Variants in TMOD1 observed in about 807,000 individuals in gnomAD.
TMOD1 encodes tropomodulin 1.
Under a neutral mutation model 40.6 loss-of-function variants are expected in TMOD1, and 17 were observed. The ratio of observed to expected loss-of-function variants is 0.42; its 90% CI spans 0.29 to 0.63. The LOEUF (loss-of-function observed/expected upper bound fraction) is 0.63. Ranked by LOEUF, TMOD1 falls within the 20% of genes least tolerant of loss-of-function variation. The pLI is 0.22. For missense variants in TMOD1, 391 were observed against 447.6 expected, an observed-to-expected ratio of 0.87 and a Z score of 1.14; for synonymous variants, 181 against 175.0, an observed-to-expected ratio of 1.03 and a Z score of -0.27.
chr9:97,525,349 C>A (rs1350409296), intron 2 of TMOD1, among the ~76,000 whole-genome samples: 1 of 152,120 alleles, frequency 6.6e-6, no homozygotes, highest in East Asian at 1.9e-4. Flanking sequence ...AGGGAAAAAG[C>A]AAAGATATTT....
At chr9:97,562,645 C>T in intron 4 of TMOD1, 87 bp from the exon 5 acceptor site, 1 of 935,862 alleles carries the variant, frequency 1.1e-6, no homozygotes, top group Non-Finnish European at 1.6e-6. Flanking sequence ...TTCTGTGAGC[C>T]AGAGTTCCCG....
intron 1 of TMOD1, among the ~76,000 whole-genome samples, chr9:97,505,055 A>G (rs926643974): frequency 6.6e-6 from 1 of 152,250 alleles, no homozygotes; most frequent in Non-Finnish European, 1.5e-5. Context: ...TAATCATGAT[A>G]GAACCTAATT....
chr9:97,568,880 T>C lies in TMOD1; in HGVS notation c.727-14T>C, dbSNP rs961633480. 4.3e-6 allele frequency: 7 copies of C among 1,613,024 alleles called. No individual in the cohort carries two copies. The highest frequency in any genetic ancestry group is 2.7e-5 in the African/African-American group (2 of 74,906). On this transcript the variant is annotated splice_polypyrimidine_tract_variant and intron_variant, in intron 7 of 9. Transcript: ENST00000259365. ...GTGACTCATGGGTATCCTTGCTTTC[T>C]CTTGTGCTTCAAGGCCCTTGCTGAG...
chr9:97,550,653 G>A (rs1830436949), intron 3 of TMOD1, among the ~76,000 whole-genome samples: 1 of 152,034 alleles, frequency 6.6e-6, no homozygotes. Context: ...TGTGCTTGTT[G>A]GCCATATGTA....
intron 4 of TMOD1, among the ~76,000 whole-genome samples, chr9:97,553,824 G>A (rs527770712): frequency 5.3e-5 from 8 of 152,362 alleles, no homozygotes; most frequent in African/African-American, 1.7e-4. Context: ...TTTGCCTGCA[G>A]TTGGCTCAGT....
chr9:97,544,303 C>T (rs550371709), intron 2 of TMOD1, among the ~76,000 whole-genome samples: 4 of 152,060 alleles, frequency 2.6e-5, no homozygotes, highest in Admixed American at 6.5e-5. Flanking sequence ...TTAGGAAGGC[C>T]GAGGTGGGTG....
Position 97,601,601 on chromosome 9 carries a change from A to G in TMOD1, c.*1903A>G, listed in dbSNP as rs1302441463. 10 of 987,334 alleles carry G rather than the reference A, an allele frequency of 1.0e-5. No homozygotes were observed. In the East Asian group the frequency reaches 4.5e-4, roughly 45 times the overall value. The allele number at this position is 987,334 out of a possible 1,614,324, so 61.2% of individuals were successfully genotyped here. A position where few individuals can be genotyped will look rare whatever the true frequency, so the allele number is the denominator to read the frequency against. On this transcript the variant is annotated 3_prime_UTR_variant, in exon 10 of 10. Coordinates refer to ENST00000259365, the MANE Select transcript of TMOD1 (RefSeq NM_003275.4). ...TGCTGGTCTAGATCAGGGGCTGGCA[A>G]ACTTTTCTGTAAAAGGCCAGACAGT... is the stretch of plus-strand genomic sequence containing the variant.
Position 97,552,498 on chromosome 9 carries a change from C to T in TMOD1, c.278-783C>T, listed in dbSNP as rs185462069. 5.1e-4 allele frequency among the ~76,000 whole-genome samples: 77 copies of T among 152,318 alleles called. 1 individual carries two copies. Among genetic ancestry groups the T allele is most frequent in the Admixed American group, 2.0e-3 (30 of 15,296 alleles). On this transcript the variant is annotated intron_variant, in intron 3 of 9. Coordinates refer to ENST00000259365, the MANE Select transcript of TMOD1 (RefSeq NM_003275.4). Reference sequence around the variant, plus strand: ...ACATCAGAAGCTTTTGAGGATTTTACTCACTGCTGTCCCCTAGCCCCCAGA... The same window carrying T: ...ACATCAGAAGCTTTTGAGGATTTTATTCACTGCTGTCCCCTAGCCCCCAGA...
rs1262141496 is a variant in TMOD1 at position 97,591,337 on chromosome 9, T to TG, written c.919dup (p.Glu307GlyfsTer31). 2 of 1,614,150 alleles carry TG rather than the reference T, an allele frequency of 1.2e-6. No homozygotes were observed. Among genetic ancestry groups the TG allele is most frequent in the East Asian group, 2.2e-5 (1 of 44,890 alleles). On this transcript the variant is annotated frameshift_variant, in exon 9 of 10. Transcript: ENST00000259365. LOFTEE classifies it high-confidence loss of function. Reference sequence around the variant, plus strand: ...GTGGAAATGGAGATTGTGAGCATGTTGGAAAAAAACGCAACACTTCTCAAA... The same window carrying TG: ...GTGGAAATGGAGATTGTGAGCATGTTGGGAAAAAAACGCAACACTTCTCAAA...
Position 97,514,820 on chromosome 9 carries a change from G to T in TMOD1, c.-48-9321G>T, listed in dbSNP as rs186024161. 1.1e-4 allele frequency among the ~76,000 whole-genome samples: 16 copies of T among 152,334 alleles called. No individual in the cohort carries two copies. The East Asian group carries it at 3.1e-3, about 29-fold the overall frequency. ...GACGAAAGGATTGTGTTGCGGCAGCGGCCAGGACCAGGCCACTCACTACCT... is the reference window on the plus strand; with the variant it reads ...GACGAAAGGATTGTGTTGCGGCAGCTGCCAGGACCAGGCCACTCACTACCT... On this transcript the variant is annotated intron_variant, in intron 1 of 9. Transcript: ENST00000259365.
chr9:97,514,111 G>A (rs1017181756), intron 1 of TMOD1, among the ~76,000 whole-genome samples: 5 of 151,832 alleles, frequency 3.3e-5, no homozygotes, highest in Admixed American at 2.0e-4. Flanking sequence ...GTCCAGGCTG[G>A]AGCACAGCAG....
intron 8 of TMOD1, among the ~76,000 whole-genome samples, chr9:97,574,513 T>G (rs1287007366): frequency 6.6e-6 from 1 of 152,184 alleles, no homozygotes; most frequent in African/African-American, 2.4e-5. Context: ...CGCCCCCTGC[T>G]CCACGGCGCC....
At chr9:97,514,275 C>CTTTTTTTT (rs71369513) in intron 1 of TMOD1, among the ~76,000 whole-genome samples, 3 of 121,804 alleles carry the variant, frequency 2.5e-5, no homozygotes, top group Non-Finnish European at 3.4e-5. Flanking sequence ...TTTTCTTTTT[C>CTTTTTTTT]TTTTTTTTTT....
intron 2 of TMOD1, among the ~76,000 whole-genome samples, chr9:97,543,966 C>T (rs1830315571): frequency 6.6e-6 from 1 of 152,146 alleles, no homozygotes; most frequent in South Asian, 2.1e-4. Flanking sequence ...GCCCCCCACC[C>T]CAAAGTCAGT....
Position 97,557,700 on chromosome 9 carries a change from G to A in TMOD1, c.397+4300G>A, listed in dbSNP as rs535494448. ...CCAGCCATCTGCCCAGAGCCAGCCCGAGCAGCTGGCAGCAGGAGGAGCCGG... is the reference window on the plus strand; with the variant it reads ...CCAGCCATCTGCCCAGAGCCAGCCCAAGCAGCTGGCAGCAGGAGGAGCCGG... On this transcript the variant is annotated intron_variant, in intron 4 of 9. Coordinates refer to ENST00000259365, the MANE Select transcript of TMOD1 (RefSeq NM_003275.4). This position sits in a 1 kb window ranked among gnomAD's most constrained non-coding sequence, Gnocchi z 4.4. Among the ~76,000 whole-genome samples the A allele has an allele frequency of 1.2e-4, 18 of 152,304 alleles. No individual in the cohort carries two copies. The highest frequency in any genetic ancestry group is 8.5e-4 in the Admixed American group (13 of 15,308).
rs1829515318 is a variant in TMOD1 at position 97,502,284 on chromosome 9, T to A, written c.-49+481T>A. Among the ~76,000 whole-genome samples the A allele has an allele frequency of 6.7e-6, 1 of 150,360 alleles. No homozygotes were observed. The highest frequency in any genetic ancestry group is 6.6e-5 in the Admixed American group (1 of 15,172). On this transcript the variant is annotated intron_variant, in intron 1 of 9. Coordinates refer to ENST00000259365, the MANE Select transcript of TMOD1 (RefSeq NM_003275.4). The surrounding 1 kb of genome is among the most constrained non-coding windows in gnomAD (Gnocchi z 6.1). The stretch of plus-strand genomic sequence containing the variant: ...GCCTGCAAGAGTCTGGGGGTGGGAG[T>A]GGGGGAGTAAAGGCTCGACTGGACG...
intron 8 of TMOD1, among the ~76,000 whole-genome samples, chr9:97,576,454 C>A (rs1830940604): frequency 6.6e-6 from 1 of 150,792 alleles, no homozygotes; most frequent in African/African-American, 2.4e-5. Flanking sequence ...ACACAGTCTC[C>A]AAAAAAATAA....
In TMOD1 at chr9:97,600,575, A is replaced by C. The variant is rs1434037055; in HGVS notation, c.*877A>C. 1.0e-6 allele frequency: 1 copy of C among 986,182 alleles called. No individual in the cohort carries two copies. The highest frequency in any genetic ancestry group is 6.1e-5 in the Admixed American group (1 of 16,348). 61.1% of individuals were successfully genotyped at this position (986,182 alleles called of 1,614,324 possible). ...TTATGTGAGGTAAGACACTAGAGGG[A>C]TAAATTTCCAGATCAACATGGCTAT... On this transcript the variant is annotated 3_prime_UTR_variant, in exon 10 of 10. Transcript: ENST00000259365.
chr9:97,539,737 C>T (rs1019230224), intron 2 of TMOD1, among the ~76,000 whole-genome samples: 1 of 152,030 alleles, frequency 6.6e-6, no homozygotes, highest in Non-Finnish European at 1.5e-5. Context: ...GAGGCCGAGG[C>T]GGGCGGATCA....
Sources: gnomAD v4.1 joint callset for allele counts (sites outside exome capture counted in the v4.1 genomes callset) on GRCh38, gnomAD v4.1.1 for gene constraint, Gnocchi (gnomAD v3.1) non-coding constraint, MANE v1.5 for transcripts, NCBI Gene and HGNC (gene_info 2026-07-23, HGNC 2026-07-21) for gene names.